The following CUX1 variants were observed in gnomAD, a reference collection of about 807,000 sequenced individuals.
CUX1 encodes cut like homeobox 1.
CUX1 carries 31 observed loss-of-function variants against 158.8 expected under a neutral mutation model. That is an observed-to-expected ratio of 0.20 (90% CI 0.15 to 0.26). The LOEUF (loss-of-function observed/expected upper bound fraction) is 0.26. CUX1 is among the 10% of genes least tolerant of loss of function. CUX1 has a pLI of 1.00. For missense variants in CUX1, 1,589 were observed against 2,014.6 expected, an observed-to-expected ratio of 0.79 and a Z score of 4.04; for synonymous variants, 879 against 862.1, an observed-to-expected ratio of 1.02 and a Z score of -0.34.
intron 2 of CUX1, among the ~76,000 whole-genome samples, chr7:101,980,303 C>A (rs903594920): frequency 6.6e-6 from 1 of 151,998 alleles, no homozygotes; most frequent in Non-Finnish European, 1.5e-5. Flanking sequence ...CCCAGGAGTT[C>A]GAGACCAGCC....
At position 101,916,778 on chromosome 7, in the gene CUX1, T is replaced by G. The variant is rs1804258010; in HGVS notation, c.141+553T>G. On this transcript the variant is annotated intron_variant, in intron 2 of 23. Transcript: ENST00000292535. This position sits in a 1 kb window ranked among gnomAD's most constrained non-coding sequence, Gnocchi z 4.4. ...GCCGTAAAGGGCAATGGAAATGTGC[T>G]TTTTATATACTCCTGTTTTTTCTCT... Among the ~76,000 whole-genome samples the G allele has an allele frequency of 6.6e-6, 1 of 152,220 alleles. No individual in the cohort carries two copies. The highest frequency in any genetic ancestry group is 1.9e-4 in the East Asian group (1 of 5,202).
chr7:102,134,411 T>G (rs1352965891), intron 8 of CUX1, among the ~76,000 whole-genome samples: 3 of 152,240 alleles, frequency 2.0e-5, no homozygotes, highest in African/African-American at 7.2e-5. Context: ...AAAACATGAT[T>G]AGACTTCTGT....
Position 102,090,812 on chromosome 7 carries a change from C to CA in CUX1, c.269-6551dup, listed in dbSNP as rs1828507450. On this transcript the variant is annotated intron_variant, in intron 4 of 23. Coordinates refer to ENST00000292535, the MANE Select transcript of CUX1 (RefSeq NM_181552.4). ...TGAGTTGGTAAATAATAGTAGATAA[C>CA]ATTTATTGAGTGTTAACTCTGTGTA... Among the ~76,000 whole-genome samples, 4 of 151,250 alleles carry CA rather than the reference C, an allele frequency of 2.6e-5. No individual in the cohort carries two copies. The South Asian group carries it at 6.3e-4, about 24-fold the overall frequency.
At chr7:102,134,350 A>T (rs1833660065) in intron 8 of CUX1, among the ~76,000 whole-genome samples, 1 of 152,088 alleles carries the variant, frequency 6.6e-6, no homozygotes, top group Admixed American at 6.6e-5. Flanking sequence ...AATAAAAATT[A>T]AAAAAAATTG....
intron 11 of CUX1, among the ~76,000 whole-genome samples, 184 bp downstream of exon 11, chr7:102,178,841 G>T (rs1792695077): frequency 6.6e-6 from 1 of 152,150 alleles, no homozygotes; most frequent in Non-Finnish European, 1.5e-5. Context: ...TTAAACCCTG[G>T]CATCAGCCCT....
chr7:102,039,107 A>T (rs1821759006), intron 3 of CUX1, among the ~76,000 whole-genome samples: 1 of 152,174 alleles, frequency 6.6e-6, no homozygotes, highest in Non-Finnish European at 1.5e-5. Flanking sequence ...AAGCATATGG[A>T]TTTATTTGCT....
At chr7:102,004,049 TTAAC>T (rs1817035332) in intron 2 of CUX1, among the ~76,000 whole-genome samples, 1 of 152,248 alleles carries the variant, frequency 6.6e-6, no homozygotes, top group South Asian at 2.1e-4. Flanking sequence ...AAAATACAGC[TTAAC>T]TTTTTTGTCT....
intron 4 of CUX1, among the ~76,000 whole-genome samples, chr7:102,071,100 G>C (rs893249441): frequency 6.6e-6 from 1 of 151,802 alleles, no homozygotes; most frequent in Non-Finnish European, 1.5e-5. Flanking sequence ...GGAGGTACGT[G>C]CCACCACATT....
chr7:102,280,881 AC>A (rs1308022475), intron 20 of CUX1: 1 of 1,580,942 alleles, frequency 6.3e-7, no homozygotes, highest in Non-Finnish European at 8.6e-7. Flanking sequence ...GCCCCTACCC[AC>A]CCCCTCCCTG....
Position 101,869,392 on chromosome 7 carries a change from G to A in CUX1, c.31-46723G>A, listed in dbSNP as rs1348810164. Among the ~76,000 whole-genome samples the A allele has an allele frequency of 6.6e-6, 1 of 152,214 alleles. No homozygotes were observed. The highest frequency in any genetic ancestry group is 2.4e-5 in the African/African-American group (1 of 41,456). On this transcript the variant is annotated intron_variant, in intron 1 of 23. Transcript: ENST00000292535. This position sits in a 1 kb window ranked among gnomAD's most constrained non-coding sequence, Gnocchi z 4.5. ...ACAGTAGGTGCTTAATAAACACGTG[G>A]ACTGAACACAAGAGGTTGAGGGGAA... is the stretch of plus-strand genomic sequence containing the variant.
chr7:102,153,036 C>T (rs1554504017), intron 8 of CUX1, among the ~76,000 whole-genome samples: 1 of 152,232 alleles, frequency 6.6e-6, no homozygotes, highest in African/African-American at 2.4e-5. Context: ...TCCAGGATTG[C>T]CTCACACTGC....
At chr7:101,836,853 G>A (rs578181691) in intron 1 of CUX1, among the ~76,000 whole-genome samples, 7 of 152,258 alleles carry the variant, frequency 4.6e-5, no homozygotes, top group East Asian at 3.9e-4. Context: ...GCATGGGTGC[G>A]GTGGGGGGCA....
At chr7:101,890,606 C>T (rs945650369) in intron 1 of CUX1, among the ~76,000 whole-genome samples, 6 of 151,974 alleles carry the variant, frequency 3.9e-5, no homozygotes, top group Admixed American at 6.6e-5. Context: ...CGGGTCAGTA[C>T]GGGGAAAAAC....
intron 7 of CUX1, among the ~76,000 whole-genome samples, chr7:102,112,337 G>T (rs1357055220): frequency 1.6e-4 from 24 of 151,074 alleles, no homozygotes; most frequent in African/African-American, 5.8e-4. Flanking sequence ...CGCCTCCTGG[G>T]TTAATGCCAT....
rs149983763 is a variant in CUX1, at chr7:101,867,371, G to A, written c.31-48744G>A. 2.6e-4 allele frequency among the ~76,000 whole-genome samples: 40 copies of A among 152,292 alleles called. 1 individual carries two copies. The highest frequency in any genetic ancestry group is 3.9e-4 in the Admixed American group (6 of 15,298). The stretch of plus-strand genomic sequence containing the variant: ...CGCCCTGCCCCAGGCATCAAGGGAG[G>A]TGCTCACTCTGTGCACTCTGAATCC... On this transcript the variant is annotated intron_variant, in intron 1 of 23. Coordinates refer to ENST00000292535, the MANE Select transcript of CUX1 (RefSeq NM_181552.4).
chr7:101,996,358 A>C (rs961448921), intron 2 of CUX1, among the ~76,000 whole-genome samples: 1 of 151,620 alleles, frequency 6.6e-6, no homozygotes, highest in Non-Finnish European at 1.5e-5. Flanking sequence ...TCAGCTGGCT[A>C]TCCTGGAACC....
At chr7:101,985,732 C>G (rs1174645469) in intron 2 of CUX1, among the ~76,000 whole-genome samples, 1 of 152,212 alleles carries the variant, frequency 6.6e-6, no homozygotes. Context: ...AACCATCCCT[C>G]TAACACAACA....
intron 1 of CUX1, among the ~76,000 whole-genome samples, chr7:101,829,647 G>T (rs1793759657): frequency 7.3e-6 from 1 of 136,118 alleles, no homozygotes; most frequent in South Asian, 2.6e-4. Context: ...CTGGGTCTGG[G>T]TCACTTAGCA....
At chr7:101,823,532 C>T (rs566111035) in intron 1 of CUX1, among the ~76,000 whole-genome samples, 3 of 152,214 alleles carry the variant, frequency 2.0e-5, no homozygotes, top group South Asian at 2.1e-4. Context: ...TGGTCTTGAC[C>T]GTGTGTGATT....
Sources: gnomAD v4.1 joint callset for allele counts (sites outside exome capture counted in the v4.1 genomes callset) on GRCh38, gnomAD v4.1.1 for gene constraint, Gnocchi (gnomAD v3.1) non-coding constraint, MANE v1.5 for transcripts, NCBI Gene and HGNC (gene_info 2026-07-23, HGNC 2026-07-21) for gene names.